NCAM2: variants seen among roughly 807,000 people sequenced by gnomAD.
NCAM2 encodes N-CAM-2.
A neutral mutation model predicts 98.1 loss-of-function variants in NCAM2; 30 were observed. The observed-to-expected ratio is 0.31, with a 90% CI of 0.23 to 0.41. The LOEUF (loss-of-function observed/expected upper bound fraction) is 0.41. Ranked by LOEUF, NCAM2 falls within the 10% of genes least tolerant of loss-of-function variation. NCAM2 has a pLI of 1.00. For synonymous variants in NCAM2, 368 were observed against 342.4 expected, an observed-to-expected ratio of 1.07 and a Z score of -0.83; for missense variants, 867 against 1,005.8, an observed-to-expected ratio of 0.86 and a Z score of 1.87.
chr21:21,524,863 G>A (rs1989239745), intron 16 of NCAM2, among the ~76,000 whole-genome samples: 1 of 151,918 alleles, frequency 6.6e-6, no homozygotes, highest in South Asian at 2.1e-4. Context: ...AAGAAAGCTA[G>A]AAAATACTCC....
chr21:21,005,397 T>G (rs1394701052), intron 1 of NCAM2, among the ~76,000 whole-genome samples: 2 of 152,142 alleles, frequency 1.3e-5, no homozygotes, highest in Non-Finnish European at 2.9e-5. Flanking sequence ...AAAGGTTATA[T>G]CTTAATAGAA....
chr21:21,181,148 G>A (rs2068455247), intron 1 of NCAM2, among the ~76,000 whole-genome samples: 1 of 152,156 alleles, frequency 6.6e-6, no homozygotes, highest in African/African-American at 2.4e-5. Flanking sequence ...AGTTTTGTAT[G>A]CCTTTGCCTA....
intron 1 of NCAM2, among the ~76,000 whole-genome samples, chr21:21,004,372 G>T (rs1471672350): frequency 6.6e-6 from 1 of 152,062 alleles, no homozygotes; most frequent in Non-Finnish European, 1.5e-5. Flanking sequence ...TTTGTTTTAT[G>T]GATGAAGAAA....
rs183904105 is a variant in NCAM2, at chr21:21,158,511, A to C, written c.56-122067A>C. Among the ~76,000 whole-genome samples the C allele has an allele frequency of 2.6e-3, 389 of 152,088 alleles. 2 individuals are homozygous for C. The highest frequency in any genetic ancestry group is 9.0e-3 in the African/African-American group (375 of 41,502). On this transcript the variant is annotated intron_variant, in intron 1 of 17. Coordinates refer to ENST00000400546, the MANE Select transcript of NCAM2 (RefSeq NM_004540.5). ...CTGTAGTCCCAGCTACTTGGGAGGC[A>C]GGAGAATCGCTTGAACCCAAGAGGT...
At chr21:21,431,376 A>T (rs1040352136) in intron 11 of NCAM2, among the ~76,000 whole-genome samples, 4 of 151,090 alleles carry the variant, frequency 2.6e-5, no homozygotes, top group East Asian at 1.9e-4. Context: ...TTCCGAAATA[A>T]TTTTTTATAT....
intron 1 of NCAM2, among the ~76,000 whole-genome samples, chr21:21,195,213 C>A (rs1295794788): frequency 6.6e-6 from 1 of 152,078 alleles, no homozygotes; most frequent in Non-Finnish European, 1.5e-5. Context: ...AATAAACATG[C>A]ATAAGTTTGT....
At chr21:21,445,876 T>G (rs994909566) in intron 12 of NCAM2, among the ~76,000 whole-genome samples, 2 of 152,202 alleles carry the variant, frequency 1.3e-5, no homozygotes, top group African/African-American at 4.8e-5. Context: ...AGAGTCATCA[T>G]GATGCCATCT....
chr21:21,324,662 A>C (rs2074466284), intron 6 of NCAM2, among the ~76,000 whole-genome samples, 162 bp downstream of exon 6: 2 of 152,042 alleles, frequency 1.3e-5, no homozygotes, highest in African/African-American at 4.8e-5. Flanking sequence ...GTTAGATTAA[A>C]CTGCTAAAGA....
chr21:21,351,815 C>T (rs2075348243), intron 8 of NCAM2, among the ~76,000 whole-genome samples: 4 of 152,148 alleles, frequency 2.6e-5, no homozygotes, highest in South Asian at 2.1e-4. Flanking sequence ...GGCACGATCT[C>T]GGCTCACTGG....
In NCAM2 at chr21:21,484,597, C is replaced by A. The variant is rs527985774; in HGVS notation, c.2077+7126C>A. The stretch of plus-strand genomic sequence containing the variant: ...ATATCATATGGTATATCCTCTTATG[C>A]CCTGAAAATTAAAAAAAAATAGTAA... On this transcript the variant is annotated intron_variant, in intron 15 of 17. Coordinates refer to ENST00000400546, the MANE Select transcript of NCAM2 (RefSeq NM_004540.5). Among the ~76,000 whole-genome samples, 10 of 151,796 alleles carry A rather than the reference C, an allele frequency of 6.6e-5. No homozygotes were observed. In the East Asian group the frequency reaches 1.7e-3, roughly 26 times the overall value.
intron 1 of NCAM2, among the ~76,000 whole-genome samples, chr21:21,047,617 A>C (rs2065027716): frequency 6.6e-6 from 1 of 152,216 alleles, no homozygotes; most frequent in Non-Finnish European, 1.5e-5. Flanking sequence ...GGGATAAATA[A>C]AACTAATACA....
At chr21:21,426,745 G>A (rs949470314) in intron 11 of NCAM2, among the ~76,000 whole-genome samples, 1 of 152,050 alleles carries the variant, frequency 6.6e-6, no homozygotes, top group Non-Finnish European at 1.5e-5. Flanking sequence ...AGAAAAGTGG[G>A]ACTGACATTC....
intron 8 of NCAM2, among the ~76,000 whole-genome samples, chr21:21,360,088 G>T (rs1478251194): frequency 1.3e-5 from 2 of 151,864 alleles, no homozygotes; most frequent in African/African-American, 2.4e-5. Flanking sequence ...GAATACATTT[G>T]ATGAATTTCA....
intron 4 of NCAM2, among the ~76,000 whole-genome samples, chr21:21,291,688 A>G (rs1026343904): frequency 6.6e-6 from 1 of 151,654 alleles, no homozygotes; most frequent in Non-Finnish European, 1.5e-5. Context: ...TAATTATTGT[A>G]TGAAGAAGGA....
At chr21:21,533,166 C>CTTTTTTTTTTGTTTGTTTTTTTTTTTTTT (rs1989801320) in intron 16 of NCAM2, among the ~76,000 whole-genome samples, 1 of 93,804 alleles carries the variant, frequency 1.1e-5, no homozygotes, top group Non-Finnish European at 2.1e-5. Flanking sequence ...TGTTTGCTTG[C>CTTTTTTTTTTGTTTGTTTTTTTTTTTTTT]TTTTTTTTTT....
intron 1 of NCAM2, among the ~76,000 whole-genome samples, chr21:21,142,088 G>A (rs1416093425): frequency 6.6e-6 from 1 of 152,032 alleles, no homozygotes; most frequent in Non-Finnish European, 1.5e-5. Flanking sequence ...CCTTTCTTCT[G>A]GTTTATAACA....
chr21:21,076,732 C>T (rs1383133144), intron 1 of NCAM2, among the ~76,000 whole-genome samples: 3 of 152,144 alleles, frequency 2.0e-5, no homozygotes, highest in Non-Finnish European at 4.4e-5. Context: ...GTGTTGTAAT[C>T]GGCTTTTTAA....
intron 1 of NCAM2, among the ~76,000 whole-genome samples, chr21:21,047,941 A>G (rs2146283581): frequency 6.6e-6 from 1 of 152,312 alleles, no homozygotes; most frequent in Admixed American, 6.5e-5. Context: ...CTCTGGTATA[A>G]CCAGGAAGAA....
At chr21:21,387,243 C>T (rs1165731439) in intron 9 of NCAM2, among the ~76,000 whole-genome samples, 2 of 151,494 alleles carry the variant, frequency 1.3e-5, no homozygotes, top group Non-Finnish European at 2.9e-5. Flanking sequence ...GTCCCTTTCT[C>T]TTTTTATAAG....
Sources: gnomAD v4.1 joint callset for allele counts (sites outside exome capture counted in the v4.1 genomes callset) on GRCh38, gnomAD v4.1.1 for gene constraint, MANE v1.5 for transcripts, NCBI Gene and HGNC (gene_info 2026-07-23, HGNC 2026-07-21) for gene names.